CDH1: variants seen among roughly 807,000 people sequenced by gnomAD.
The protein encoded by CDH1 is cadherin 1.
A neutral mutation model predicts 84.5 loss-of-function variants in CDH1; 35 were observed. The ratio of observed to expected loss-of-function variants is 0.41; its 90% confidence interval spans 0.32 to 0.55. CDH1 has a LOEUF of 0.55. Ranked by LOEUF, CDH1 falls within the 20% of genes least tolerant of loss-of-function variation. CDH1 has a pLI of 0.19. For synonymous variants in CDH1, 417 were observed against 439.0 expected, an observed-to-expected ratio of 0.95 and a Z score of 0.63; for missense variants, 994 against 1,126.6, an observed-to-expected ratio of 0.88 and a Z score of 1.68.
intron 2 of CDH1, among the ~76,000 whole-genome samples, chr16:68,777,694 C>T (rs1341842365): frequency 2.0e-5 from 3 of 151,872 alleles, no homozygotes; most frequent in Admixed American, 2.0e-4. Flanking sequence ...AGGCATGCAC[C>T]ACCACACCTG....
At chr16:68,799,732 G>A (rs1454650990) in intron 2 of CDH1, among the ~76,000 whole-genome samples, 3 of 151,950 alleles carry the variant, frequency 2.0e-5, no homozygotes, top group Non-Finnish European at 4.4e-5. Flanking sequence ...CCAAGGTTGG[G>A]GCCGGGTGTG....
At chr16:68,776,461 C>T (rs1026876648) in intron 2 of CDH1, among the ~76,000 whole-genome samples, 7 of 152,072 alleles carry the variant, frequency 4.6e-5, no homozygotes, top group Admixed American at 2.0e-4. Flanking sequence ...TGACATTCAG[C>T]GGATTTGAAT....
rs2152126853 is a variant in CDH1, at chr16:68,801,793, T to C, written c.287T>C (p.Ile96Thr). Reference sequence around the variant, plus strand: ...CCTCTACGGTTTCATAACCCACAGATCCATTTCTTGGTCTACGCCTGGGAC... The same window carrying C: ...CCTCTACGGTTTCATAACCCACAGACCCATTTCTTGGTCTACGCCTGGGAC... Reference protein sequence around the residue: ...KRPLRFHNPQIHFLVYAWDST... With the variant: ...KRPLRFHNPQTHFLVYAWDST... Residue 96 changes from isoleucine (I) to threonine (T), a missense_variant, in exon 3 of 16, where the codon ATC becomes ACC. Transcript: ENST00000261769. The C allele has an allele frequency of 6.2e-7, 1 of 1,614,186 alleles. No individual in the cohort carries two copies. Among genetic ancestry groups the C allele is most frequent in the Non-Finnish European group, 8.5e-7 (1 of 1,180,014 alleles).
At chr16:68,741,911 T>C (rs1962574468) in intron 2 of CDH1, among the ~76,000 whole-genome samples, 1 of 152,216 alleles carries the variant, frequency 6.6e-6, no homozygotes, top group Non-Finnish European at 1.5e-5. Context: ...CCTCAGGTGA[T>C]CCGCCTGCCT....
chr16:68,828,413 T>A, intron 14 of CDH1, 109 bp downstream of exon 14: 1 of 1,139,012 alleles, frequency 8.8e-7, no homozygotes, highest in South Asian at 1.3e-5. Flanking sequence ...TTGGATATTA[T>A]CTTTTTAAGG....
At chr16:68,809,088 C>G (rs112504607) in intron 5 of CDH1, 2 of 544,582 alleles carry the variant, frequency 3.7e-6, no homozygotes. Flanking sequence ...ACAACCAGGA[C>G]AAATTTAGAC....
chr16:68,740,261 A>G (rs369683536), intron 2 of CDH1, among the ~76,000 whole-genome samples: 52 of 152,198 alleles, frequency 3.4e-4, no homozygotes, highest in African/African-American at 1.2e-3. Flanking sequence ...ATCTTTAGCA[A>G]TCACGCTGTT....
At chr16:68,753,256 C>T (rs1468206431) in intron 2 of CDH1, among the ~76,000 whole-genome samples, 3 of 149,798 alleles carry the variant, frequency 2.0e-5, no homozygotes, top group African/African-American at 4.9e-5. Flanking sequence ...AATCAGATCT[C>T]GGCCAAGATA....
At chr16:68,772,240 G>A (rs1263771648) in intron 2 of CDH1, among the ~76,000 whole-genome samples, 1 of 152,194 alleles carries the variant, frequency 6.6e-6, no homozygotes, top group Non-Finnish European at 1.5e-5. Context: ...AATCGGGCAG[G>A]CCTAGCAGAC....
At chr16:68,746,690 G>A (rs1962754688) in intron 2 of CDH1, among the ~76,000 whole-genome samples, 1 of 151,944 alleles carries the variant, frequency 6.6e-6, no homozygotes, top group South Asian at 2.1e-4. Flanking sequence ...GCTCATGCCT[G>A]TAATCCCAGC....
At chr16:68,783,223 C>A (rs1217791484) in intron 2 of CDH1, among the ~76,000 whole-genome samples, 1 of 151,358 alleles carries the variant, frequency 6.6e-6, no homozygotes, top group Non-Finnish European at 1.5e-5. Flanking sequence ...ATGGCGAAAC[C>A]CCGTCTCTAC....
intron 2 of CDH1, among the ~76,000 whole-genome samples, chr16:68,789,957 G>GAGGC (rs1261300793): frequency 1.3e-5 from 2 of 152,218 alleles, no homozygotes; most frequent in African/African-American, 4.8e-5. Context: ...TCGGGAGGCT[G>GAGGC]AGGCAGGAGA....
chr16:68,759,780 C>T (rs76816469), intron 2 of CDH1, among the ~76,000 whole-genome samples: 3,966 of 152,016 alleles, frequency 0.026, 1 homozygote, highest in African/African-American at 0.088. Flanking sequence ...AGGCGTGAGC[C>T]ACCACGCCGG....
intron 2 of CDH1, among the ~76,000 whole-genome samples, chr16:68,779,329 C>A (rs1482719982): frequency 6.6e-6 from 1 of 152,196 alleles, no homozygotes; most frequent in Non-Finnish European, 1.5e-5. Context: ...GGCACATCCT[C>A]CAGGGAGGCA....
At chr16:68,741,609 C>T (rs1023203239) in intron 2 of CDH1, among the ~76,000 whole-genome samples, 1 of 151,670 alleles carries the variant, frequency 6.6e-6, no homozygotes, top group African/African-American at 2.4e-5. Flanking sequence ...TGTATTTATT[C>T]CATTGGTTTA....
rs551354506 is a variant in CDH1 at position 68,738,866 on chromosome 16, T to A, written c.163+455T>A. On this transcript the variant is annotated intron_variant, in intron 2 of 15. Transcript: ENST00000261769. ...GACTCCCAGGCCCCATTAAGCACCA[T>A]CTCTGGGATGACTGAAGAGCAGCCC... Among the ~76,000 whole-genome samples, 6 of 148,966 alleles carry A rather than the reference T, an allele frequency of 4.0e-5. No homozygotes were observed. In the Admixed American group the frequency reaches 4.1e-4, roughly 10 times the overall value.
intron 2 of CDH1, among the ~76,000 whole-genome samples, chr16:68,788,528 G>A (rs1960125821): frequency 6.6e-6 from 1 of 152,106 alleles, no homozygotes; most frequent in African/African-American, 2.4e-5. Context: ...TTGGTGAACA[G>A]CTTCTTTCAC....
At position 68,810,365 on chromosome 16, in the gene CDH1, A is replaced by T. The variant is rs921160517; in HGVS notation, c.832+24A>T. The stretch of plus-strand genomic sequence containing the variant: ...AGGTATATCCACTAATGAGAATCTG[A>T]ATACTCAGAAAGACTCTTAGGTTCT... On this transcript the variant is annotated intron_variant, in intron 6 of 15. Coordinates refer to ENST00000261769, the MANE Select transcript of CDH1 (RefSeq NM_004360.5). 6 of 1,609,790 alleles carry T rather than the reference A, an allele frequency of 3.7e-6. No homozygotes were observed. The South Asian group carries it at 6.6e-5, about 18-fold the overall frequency.
At position 68,813,383 on chromosome 16, in the gene CDH1, C is replaced by T. The variant is rs1960893696; in HGVS notation, c.1208C>T (p.Ala403Val). 6.2e-7 allele frequency: 1 copy of T among 1,614,080 alleles called. No individual in the cohort carries two copies. Among genetic ancestry groups the T allele is most frequent in the Non-Finnish European group, 8.5e-7 (1 of 1,180,000 alleles). ...ITTLKVTDAD[A>V]PNTPAWEAVY... ...ACACTGAAAGTGACTGATGCTGATG[C>T]CCCCAATACCCCAGCGTGGGAGGCT... is the stretch of plus-strand genomic sequence containing the variant. The change falls in exon 9 of 16, where the codon GCC (alanine) becomes GTC (valine). Residue 403 changes from alanine to valine, a missense_variant. By Grantham distance (64) the Ala-to-Val change is moderately conservative. This residue lies in a region of CDH1 where 769 missense variants were observed against 881.8 expected (regional missense o/e 0.87). Coordinates refer to ENST00000261769, the MANE Select transcript of CDH1 (RefSeq NM_004360.5).
Sources: allele counts gnomAD v4.1 joint callset (sites outside exome capture counted in the v4.1 genomes callset), GRCh38; gene constraint gnomAD v4.1.1; regional missense constraint gnomAD v4.1.1; transcripts MANE v1.5; gene names NCBI Gene and HGNC (gene_info 2026-07-23, HGNC 2026-07-21).